Variants in STK3 observed in about 807,000 individuals in gnomAD.
The protein encoded by STK3 is serine/threonine-protein kinase 3.
STK3 carries 41 observed loss-of-function variants against 58.0 expected under a neutral mutation model. The ratio of observed to expected loss-of-function variants is 0.71; its 90% CI spans 0.55 to 0.92. STK3 has a LOEUF of 0.92. Ranked by LOEUF, STK3 falls within the 40% of genes least tolerant of loss-of-function variation. The pLI, the probability that STK3 is intolerant of heterozygous loss-of-function variation, is 0.00. For synonymous variants in STK3, 170 were observed against 191.0 expected, an observed-to-expected ratio of 0.89 and a Z score of 0.91; for missense variants, 479 against 602.7, an observed-to-expected ratio of 0.79 and a Z score of 2.15.
intron 1 of STK3, among the ~76,000 whole-genome samples, chr8:98,914,976 T>G (rs1839288035): frequency 6.6e-6 from 1 of 152,216 alleles, no homozygotes; most frequent in South Asian, 2.1e-4. Flanking sequence ...CTGTGCAACT[T>G]TGGGCAAGAT....
chr8:98,523,590 GTC>G (rs1257058330), intron 10 of STK3, among the ~76,000 whole-genome samples: 1 of 151,896 alleles, frequency 6.6e-6, no homozygotes, highest in Non-Finnish European at 1.5e-5. Context: ...GGTCAGGCTG[GTC>G]TCAAACTCCT....
At chr8:98,906,946 G>C (rs1034006107) in intron 1 of STK3, among the ~76,000 whole-genome samples, 1 of 149,428 alleles carries the variant, frequency 6.7e-6, no homozygotes, top group African/African-American at 2.5e-5. Context: ...CCAGGAGTTC[G>C]AGACCAGCCT....
the STK3 span, among the ~76,000 whole-genome samples, chr8:98,345,299 T>A: frequency 0.11 from 16,002 of 151,980 alleles, 2,958 homozygotes; most frequent in African/African-American, 0.36. Flanking sequence ...AGCAGCCTCT[T>A]TAACCTGCCT....
intron 1 of STK3, among the ~76,000 whole-genome samples, chr8:98,933,813 A>G (rs1840093201): frequency 6.6e-6 from 1 of 152,160 alleles, no homozygotes; most frequent in Non-Finnish European, 1.5e-5. Context: ...TTCCATACCT[A>G]TGTTACTAAA....
chr8:98,504,547 T>G (rs926585803), intron 10 of STK3, among the ~76,000 whole-genome samples: 2 of 152,218 alleles, frequency 1.3e-5, no homozygotes, highest in East Asian at 3.8e-4. Flanking sequence ...CTTTCCATGT[T>G]TAGTGCTTTC....
chr8:98,904,583 T>C, intron 1 of STK3: 1 of 565,110 alleles, frequency 1.8e-6, no homozygotes, highest in Non-Finnish European at 3.5e-6. Flanking sequence ...CAGCAATTAT[T>C]CTACCTCCAG....
intron 1 of STK3, among the ~76,000 whole-genome samples, chr8:98,794,887 G>A (rs959810748): frequency 2.0e-5 from 3 of 151,170 alleles, no homozygotes; most frequent in Non-Finnish European, 4.4e-5. Context: ...GACCAACATG[G>A]AGAAACCCCG....
intron 1 of STK3, among the ~76,000 whole-genome samples, chr8:98,888,432 T>C (rs1838075974): frequency 6.6e-6 from 1 of 152,210 alleles, no homozygotes; most frequent in Non-Finnish European, 1.5e-5. Flanking sequence ...AGGCTTGCTC[T>C]GTGGACTAGA....
At chr8:98,422,514 C>T (rs1052782518) in intron 3 of STK3, among the ~76,000 whole-genome samples, 1 of 152,298 alleles carries the variant, frequency 6.6e-6, no homozygotes, top group African/African-American at 2.4e-5. Flanking sequence ...CAAAACGGCT[C>T]AAGAGGGGAT....
intron 9 of STK3, among the ~76,000 whole-genome samples, chr8:98,536,446 G>C (rs1165662723): frequency 6.6e-6 from 1 of 152,082 alleles, no homozygotes; most frequent in East Asian, 1.9e-4. Context: ...AGATGACAGA[G>C]TGAGACCCTT....
intron 4 of STK3, among the ~76,000 whole-genome samples, chr8:98,714,937 C>T (rs200195568): frequency 2.0e-5 from 3 of 151,428 alleles, no homozygotes; most frequent in South Asian, 2.1e-4. Context: ...AACAGAGAAA[C>T]AGACCAATGG....
chr8:98,736,051 G>T (rs968720991), intron 4 of STK3, among the ~76,000 whole-genome samples: 54 of 151,980 alleles, frequency 3.6e-4, no homozygotes, highest in African/African-American at 1.2e-3. Context: ...GGCACAAAAA[G>T]AACATGAAAC....
intron 1 of STK3, among the ~76,000 whole-genome samples, chr8:98,906,989 T>TAA (rs3085954): frequency 3.3e-4 from 31 of 94,770 alleles, no homozygotes; most frequent in African/African-American, 9.6e-4. Context: ...TCTCTACCAA[T>TAA]AAAAAAAAAA....
intron 6 of STK3, among the ~76,000 whole-genome samples, chr8:98,680,407 T>C (rs1823545409): frequency 6.6e-6 from 1 of 152,160 alleles, no homozygotes. Context: ...CTGTGGAACA[T>C]ATGATGTCCA....
chr8:98,741,072 C>T (rs1403089169), intron 4 of STK3, among the ~76,000 whole-genome samples: 1 of 152,192 alleles, frequency 6.6e-6, no homozygotes, highest in African/African-American at 2.4e-5. Context: ...GCACCCAATA[C>T]AGGAGCACCC....
downstream of STK3, among the ~76,000 whole-genome samples, chr8:98,366,488 T>C (rs1817565887): frequency 6.6e-6 from 1 of 152,258 alleles, no homozygotes; most frequent in Non-Finnish European, 1.5e-5. Flanking sequence ...CTCTTGAGCA[T>C]TTAGGTCCTT....
At chr8:98,620,815 G>C (rs753819508) in intron 6 of STK3, among the ~76,000 whole-genome samples, 2 of 151,388 alleles carry the variant, frequency 1.3e-5, no homozygotes, top group Non-Finnish European at 2.9e-5. Flanking sequence ...GACAAAAAGA[G>C]TAGTAAAGTT....
At chr8:98,875,220 G>A (rs1360501704) in intron 3 of STK3, 1 of 152,154 alleles carries the variant, frequency 6.6e-6, no homozygotes, top group Non-Finnish European at 1.5e-5. Flanking sequence ...CCAGACCAGA[G>A]ATCAAAAACT....
chr8:98,585,426 A>G (rs1159596110), intron 7 of STK3, among the ~76,000 whole-genome samples: 14 of 151,628 alleles, frequency 9.2e-5, no homozygotes, highest in East Asian at 7.7e-4. Flanking sequence ...CATTATTTCT[A>G]AGGGCTCTGT....
Sources: gnomAD v4.1 joint callset for allele counts (sites outside exome capture counted in the v4.1 genomes callset) on GRCh38, gnomAD v4.1.1 for gene constraint, MANE v1.5 for transcripts, NCBI Gene and HGNC (gene_info 2026-07-23, HGNC 2026-07-21) for gene names.